Variants in ALX4 observed in about 807,000 individuals in gnomAD.
The protein encoded by ALX4 is homeobox protein aristaless-like 4.
ALX4 carries 22 observed loss-of-function variants against 40.6 expected under a neutral mutation model. The observed-to-expected ratio is 0.54, with a 90% CI of 0.39 to 0.77. The LOEUF is 0.77. Among genes scored for constraint, ALX4 ranks in the 30% least tolerant of loss-of-function variants. The pLI, the probability that ALX4 is intolerant of heterozygous loss-of-function variation, is 0.00. For missense variants in ALX4, 556 were observed against 564.8 expected (o/e 0.98, Z 0.16); for synonymous variants, 266 against 240.5 (o/e 1.11, Z -0.98).
chr11:44,308,386 A>G (rs1224645185), intron 1 of ALX4, among the ~76,000 whole-genome samples: 2 of 152,234 alleles, frequency 1.3e-5, no homozygotes, highest in African/African-American at 4.8e-5. Flanking sequence ...CTCTGTCCCC[A>G]GGCCTAGTGC....
intron 1 of ALX4, among the ~76,000 whole-genome samples, chr11:44,293,164 GAA>G (rs1565007525): frequency 1.8e-4 from 6 of 32,952 alleles, no homozygotes; most frequent in African/African-American, 5.4e-4. Flanking sequence ...AGGAAGGAAG[GAA>G]GGAAGCAGGC....
intron 1 of ALX4, among the ~76,000 whole-genome samples, chr11:44,294,560 G>GC (rs1956392017): frequency 6.6e-6 from 1 of 152,190 alleles, no homozygotes; most frequent in South Asian, 2.1e-4. Flanking sequence ...CTTGAAGCCT[G>GC]CCCCCGCTGC....
At chr11:44,295,865 G>T (rs1014580257) in intron 1 of ALX4, among the ~76,000 whole-genome samples, 12 of 152,348 alleles carry the variant, frequency 7.9e-5, no homozygotes, top group Admixed American at 7.8e-4. Flanking sequence ...AACTGAAGGG[G>T]CAGAGGGGCC....
intron 1 of ALX4, among the ~76,000 whole-genome samples, chr11:44,301,326 G>C (rs1244579241): frequency 6.6e-6 from 1 of 152,186 alleles, no homozygotes; most frequent in Non-Finnish European, 1.5e-5. Context: ...AGGCCCTCAG[G>C]GCCTGGTGGA....
chr11:44,305,098 C>T (rs1485507070), intron 1 of ALX4, among the ~76,000 whole-genome samples: 1 of 152,216 alleles, frequency 6.6e-6, no homozygotes, highest in Non-Finnish European at 1.5e-5. Flanking sequence ...TTTGCTTTAA[C>T]GTTTTACAAC....
intron 1 of ALX4, among the ~76,000 whole-genome samples, chr11:44,284,904 C>T (rs1956329570): frequency 6.6e-6 from 1 of 151,890 alleles, no homozygotes; most frequent in Non-Finnish European, 1.5e-5. Context: ...GAAAATCACT[C>T]ACACACATAC....
intron 1 of ALX4, among the ~76,000 whole-genome samples, chr11:44,288,820 A>T (rs1012548593): frequency 2.0e-5 from 3 of 152,356 alleles, no homozygotes; most frequent in Middle Eastern, 3.4e-3. Flanking sequence ...ACTGTCCTAC[A>T]GTTAGTCCAA....
At chr11:44,304,355 T>C (rs983383951) in intron 1 of ALX4, among the ~76,000 whole-genome samples, 8 of 152,100 alleles carry the variant, frequency 5.3e-5, no homozygotes, top group African/African-American at 1.4e-4. Flanking sequence ...TGAACAGGGG[T>C]TTGGGGGGCT....
At chr11:44,307,193 G>C (rs1288330299) in intron 1 of ALX4, among the ~76,000 whole-genome samples, 1 of 152,172 alleles carries the variant, frequency 6.6e-6, no homozygotes, top group Non-Finnish European at 1.5e-5. Context: ...GGTAGCGGGG[G>C]CTCTTGCTCT....
At chr11:44,290,254 C>T (rs549903967) in intron 1 of ALX4, among the ~76,000 whole-genome samples, 10 of 152,286 alleles carry the variant, frequency 6.6e-5, no homozygotes, top group South Asian at 2.1e-4. Context: ...CACTTTCATC[C>T]AGAGGCTGGC....
chr11:44,308,733 G>T (rs754133997), intron 1 of ALX4, among the ~76,000 whole-genome samples: 13 of 152,234 alleles, frequency 8.5e-5, no homozygotes, highest in Non-Finnish European at 1.6e-4. Context: ...GCTCCCCCGG[G>T]TTCCCCGTGG....
intron 1 of ALX4, among the ~76,000 whole-genome samples, chr11:44,287,565 A>T (rs1478179591): frequency 4.7e-4 from 71 of 150,268 alleles, no homozygotes; most frequent in African/African-American, 1.7e-3. Flanking sequence ...AGTTCCATCT[A>T]GCCTGGGTGA....
At chr11:44,283,017 A>G (rs1956318171) in intron 1 of ALX4, among the ~76,000 whole-genome samples, 1 of 152,110 alleles carries the variant, frequency 6.6e-6, no homozygotes, top group Non-Finnish European at 1.5e-5. Context: ...GCAGAGGCGG[A>G]TGGTGGATCA....
In ALX4 at chr11:44,309,046, C is replaced by T. The variant is rs541156339; in HGVS notation, c.466+551G>A. 2.0e-4 allele frequency among the ~76,000 whole-genome samples: 31 copies of T among 152,372 alleles called. No individual in the cohort carries two copies. The East Asian group carries it at 4.6e-3, about 23-fold the overall frequency. On this transcript the variant is annotated intron_variant, in intron 1 of 3. Coordinates refer to ENST00000652299, the MANE Select transcript of ALX4 (RefSeq NM_021926.4). ...TTTCCCGTGAGCTTTCGGCCAACCA[C>T]GCTCCGGGCTTCCCGCCTGGCTCCG...
intron 1 of ALX4, among the ~76,000 whole-genome samples, chr11:44,280,351 G>A (rs1236017778): frequency 6.6e-6 from 1 of 152,224 alleles, no homozygotes; most frequent in Non-Finnish European, 1.5e-5. Flanking sequence ...CACCACACTG[G>A]GGTAGAGAAG....
At chr11:44,299,217 C>T (rs916485866) in intron 1 of ALX4, among the ~76,000 whole-genome samples, 2 of 152,268 alleles carry the variant, frequency 1.3e-5, no homozygotes, top group East Asian at 3.9e-4. Flanking sequence ...TCACCTGGTA[C>T]AGGTGAGGAA....
At position 44,262,077 on chromosome 11, in the gene ALX4, T is replaced by G. The variant is rs1021994531; in HGVS notation, c.*2777A>C. ...TGAGGCATTGGAGAGGGGAGCTCCA[T>G]GCAGCACCGGCCGCCCCTGGTGCCA... On this transcript the variant is annotated 3_prime_UTR_variant, in exon 4 of 4. Transcript: ENST00000652299. The G allele has an allele frequency of 6.6e-6, 1 of 152,344 alleles. No homozygotes were observed. Among genetic ancestry groups the G allele is most frequent in the African/African-American group, 2.4e-5 (1 of 41,464 alleles). 9.4% of individuals were successfully genotyped at this position (152,344 alleles called of 1,614,324 possible). A position where few individuals can be genotyped will look rare whatever the true frequency, so the allele number is the denominator to read the frequency against.
At chr11:44,266,479 C>T (rs1034198295) in intron 3 of ALX4, among the ~76,000 whole-genome samples, 1 of 152,210 alleles carries the variant, frequency 6.6e-6, no homozygotes, top group Non-Finnish European at 1.5e-5. Flanking sequence ...GCCCTCCTGC[C>T]CCATGAATCC....
At chr11:44,282,293 A>C (rs1283637999) in intron 1 of ALX4, among the ~76,000 whole-genome samples, 1 of 152,232 alleles carries the variant, frequency 6.6e-6, no homozygotes, top group Non-Finnish European at 1.5e-5. Context: ...AATTAAAAGC[A>C]CAATGAGATA....
Sources: gnomAD v4.1 joint callset for allele counts (sites outside exome capture counted in the v4.1 genomes callset) on GRCh38, gnomAD v4.1.1 for gene constraint, MANE v1.5 for transcripts, NCBI Gene and HGNC (gene_info 2026-07-23, HGNC 2026-07-21) for gene names.